The following CAP1 variants were observed in gnomAD, a reference collection of about 807,000 sequenced individuals.
CAP1 encodes cyclase associated actin cytoskeleton regulatory protein 1.
A neutral mutation model predicts 58.2 loss-of-function variants in CAP1; 11 were observed. The observed-to-expected ratio is 0.19, with a 90% CI of 0.12 to 0.31. CAP1 has a LOEUF of 0.31. Ranked by LOEUF, CAP1 falls within the 10% of genes least tolerant of loss-of-function variation. The pLI, the probability that CAP1 is intolerant of heterozygous loss-of-function variation, is 1.00. For missense variants in CAP1, 423 were observed against 587.5 expected, an observed-to-expected ratio of 0.72 and a Z score of 2.89; for synonymous variants, 183 against 213.8, an observed-to-expected ratio of 0.86 and a Z score of 1.26.
rs542654590 is a variant in CAP1, at chr1:40,042,561, G to C, written c.-11+1760G>C. 1.5e-3 allele frequency among the ~76,000 whole-genome samples: 231 copies of C among 152,326 alleles called. 1 individual carries two copies. The highest frequency in any genetic ancestry group is 5.4e-3 in the African/African-American group (226 of 41,566). On this transcript the variant is annotated intron_variant, in intron 1 of 12. Transcript: ENST00000372805. ...TAATGGCTGGGGAAGTGGAGGAAGT[G>C]AGATGTGGTCAGGTCAGTCATATGT... is the stretch of plus-strand genomic sequence containing the variant.
At chr1:40,063,247 G>A (rs895027340) in intron 4 of CAP1, among the ~76,000 whole-genome samples, 2 of 151,512 alleles carry the variant, frequency 1.3e-5, no homozygotes, top group African/African-American at 4.9e-5. Context: ...GCAGGATCTC[G>A]GCTCACTGAA....
At chr1:40,059,924 G>A in intron 2 of CAP1, 143 bp from the exon 3 acceptor site, 2 of 571,756 alleles carry the variant, frequency 3.5e-6, no homozygotes, top group Non-Finnish European at 6.3e-6. Context: ...TGGTGATACT[G>A]GACCTGGAAC....
chr1:40,062,672 G>A (rs917649941), intron 4 of CAP1, among the ~76,000 whole-genome samples: 2 of 152,004 alleles, frequency 1.3e-5, no homozygotes, highest in African/African-American at 4.8e-5. Context: ...GGCTGAAATG[G>A]GAGGAAGATT....
At position 40,070,188 on chromosome 1, in the gene CAP1, G is replaced by A. The variant is rs754273280; in HGVS notation, c.1023G>A (p.Val341=). The change falls in exon 10 of 13, where the codon GTG becomes GTA. Residue 341 remains valine (V), a synonymous_variant. Transcript: ENST00000372805. The part of the protein sequence containing the change: ...VENQENVSNL[V]IEDTELKQVA... ...ATCAGGAAAATGTTTCCAACCTGGT[G>A]ATTGAGGACACAGAGCTGAAACAGG... is the stretch of plus-strand genomic sequence containing the variant. 6.2e-7 allele frequency: 1 copy of A among 1,614,174 alleles called. No individual in the cohort carries two copies. Among genetic ancestry groups the A allele is most frequent in the South Asian group, 1.1e-5 (1 of 91,082 alleles).
chr1:40,056,408 A>C (rs1646620128), intron 1 of CAP1, among the ~76,000 whole-genome samples: 1 of 151,228 alleles, frequency 6.6e-6, no homozygotes, highest in Non-Finnish European at 1.5e-5. Flanking sequence ...TAATCCTCAC[A>C]CCTCAGCCTC....
intron 4 of CAP1, among the ~76,000 whole-genome samples, chr1:40,062,582 T>A (rs1019504068): frequency 6.6e-6 from 1 of 152,050 alleles, no homozygotes; most frequent in Non-Finnish European, 1.5e-5. Flanking sequence ...AGACCTCGTC[T>A]CTATTAAAAA....
chr1:40,045,727 T>C (rs1023170852), intron 1 of CAP1, among the ~76,000 whole-genome samples: 1 of 152,138 alleles, frequency 6.6e-6, no homozygotes, highest in Non-Finnish European at 1.5e-5. Flanking sequence ...AGCTAATTTT[T>C]GTATTTTTAG....
At chr1:40,045,984 G>A (rs1342108609) in intron 1 of CAP1, among the ~76,000 whole-genome samples, 2 of 152,184 alleles carry the variant, frequency 1.3e-5, no homozygotes, top group Non-Finnish European at 2.9e-5. Context: ...CACCACACCT[G>A]GCAGATGTGA....
intron 4 of CAP1, among the ~76,000 whole-genome samples, chr1:40,064,010 T>A (rs1178558538): frequency 1.3e-5 from 2 of 152,132 alleles, no homozygotes. Context: ...TGGGTCCTGA[T>A]CATGAAGAAC....
intron 1 of CAP1, among the ~76,000 whole-genome samples, chr1:40,044,617 T>C (rs1398537412): frequency 5.9e-5 from 9 of 152,098 alleles, no homozygotes; most frequent in Non-Finnish European, 1.5e-5. Flanking sequence ...CAGAATTCTC[T>C]ACAGTTTAGA....
chr1:40,059,210 A>C, intron 1 of CAP1, 127 bp from the exon 2 acceptor site: 2 of 568,820 alleles, frequency 3.5e-6, no homozygotes, highest in South Asian at 4.8e-5. Context: ...ATTTTATTAA[A>C]TTATTCTGTT....
Position 40,045,216 on chromosome 1 carries a change from T to C in CAP1, c.-11+4415T>C, listed in dbSNP as rs112162012. On this transcript the variant is annotated intron_variant, in intron 1 of 12. Coordinates refer to ENST00000372805, the MANE Select transcript of CAP1 (RefSeq NM_006367.4). ...ATGTCTTCAGACATTGCCATATGTC[T>C]CCTGGAGGACAAAATTGCCCCTGGT... Among the ~76,000 whole-genome samples the C allele has an allele frequency of 7.2e-3, 1,103 of 152,268 alleles. 10 individuals carry two copies. The highest frequency in any genetic ancestry group is 0.026 in the African/African-American group (1,061 of 41,534).
At position 40,046,053 on chromosome 1, in the gene CAP1, A is replaced by T. The variant is rs188001488; in HGVS notation, c.-11+5252A>T. Reference sequence around the variant, plus strand: ...AAGCAAGCTTCTTGTTGATGGTGTAAGTCAGCAGATTTCCCTCTCTATTGA... The same window carrying T: ...AAGCAAGCTTCTTGTTGATGGTGTATGTCAGCAGATTTCCCTCTCTATTGA... On this transcript the variant is annotated intron_variant, in intron 1 of 12. Transcript: ENST00000372805. 2.6e-5 allele frequency among the ~76,000 whole-genome samples: 4 copies of T among 152,336 alleles called. No individual in the cohort carries two copies. The East Asian group carries it at 7.7e-4, about 29-fold the overall frequency.
At chr1:40,054,825 G>A (rs2124291563) in intron 1 of CAP1, among the ~76,000 whole-genome samples, 1 of 152,172 alleles carries the variant, frequency 6.6e-6, no homozygotes, top group East Asian at 1.9e-4. Flanking sequence ...ATGTTTAGTA[G>A]AGATGGGATT....
chr1:40,061,707 ATCAATAGCTGAT>A lies in CAP1; in HGVS notation c.217-25_217-14del, dbSNP rs775311872. The stretch of plus-strand genomic sequence containing the variant: ...AAGACTTCTCTAGTTATAATGTGTC[ATCAATAGCTGAT>A]TCTTCTTTCTGGCAGGCGGAGATGG... On this transcript the variant is annotated splice_polypyrimidine_tract_variant and intron_variant, in intron 3 of 12. Transcript: ENST00000372805. The A allele has an allele frequency of 6.3e-7, 1 of 1,593,456 alleles. No individual in the cohort carries two copies. The highest frequency in any genetic ancestry group is 2.2e-5 in the East Asian group (1 of 44,766).
chr1:40,070,930 C>A lies in CAP1; in HGVS notation c.1295C>A (p.Ala432Asp). Residue 432 changes from alanine (A) to aspartate (D), a missense_variant, in exon 12 of 13, where the codon GCC becomes GAC. Transcript: ENST00000372805. ...KNSLDCEIVS[A>D]KSSEMNVLIP... ...TCCCTGGATTGTGAAATAGTCAGTG[C>A]CAAATCTTCCGAGATGAATGTCCTC... 6.2e-7 allele frequency: 1 copy of A among 1,613,914 alleles called. No individual in the cohort carries two copies.
At position 40,070,414 on chromosome 1, in the gene CAP1, C is replaced by A. The variant is rs2124444140; in HGVS notation, c.1118-16C>A. On this transcript the variant is annotated splice_polypyrimidine_tract_variant and intron_variant, in intron 10 of 12. Transcript: ENST00000372805. ...CTTTAAAGTTACACGTTGACACACT[C>A]CCTTTCTTCTCCTAGATAACTGTAA... The A allele has an allele frequency of 6.2e-7, 1 of 1,609,396 alleles. No homozygotes were observed. The highest frequency in any genetic ancestry group is 2.2e-5 in the East Asian group (1 of 44,850).
In CAP1 at chr1:40,070,976, C is replaced by G; in HGVS notation, c.1341C>G (p.Asp447Glu). The G allele has an allele frequency of 6.2e-7, 1 of 1,609,230 alleles. No homozygotes were observed. The highest frequency in any genetic ancestry group is 8.5e-7 in the Non-Finnish European group (1 of 1,178,226). ...TCCTCATTCCTACAGAAGGCGGTGA[C>G]TTTGTAAGTTTCTTGATCTCTTTAG... ...MNVLIPTEGG[D>E]FNEFPVPEQF... is the part of the protein sequence containing the mutation. Residue 447 changes from aspartate (D) to glutamate (E), a missense_variant, in exon 12 of 13, where the codon GAC (aspartate) becomes GAG (glutamate). Asp to Glu is a conservative substitution (Grantham distance 45). Transcript: ENST00000372805.
At chr1:40,062,895 A>G (rs1332044916) in intron 4 of CAP1, among the ~76,000 whole-genome samples, 1 of 151,978 alleles carries the variant, frequency 6.6e-6, no homozygotes, top group Non-Finnish European at 1.5e-5. Context: ...CAGGAAATGG[A>G]GCTTTGGAGG....
Sources: gnomAD v4.1 joint callset for allele counts (sites outside exome capture counted in the v4.1 genomes callset) on GRCh38, gnomAD v4.1.1 for gene constraint, MANE v1.5 for transcripts, NCBI Gene and HGNC (gene_info 2026-07-23, HGNC 2026-07-21) for gene names.